LUC7L3: variants seen among roughly 807,000 people sequenced by gnomAD.
The protein encoded by LUC7L3 is LUC7 like 3 pre-mRNA splicing factor.
In LUC7L3, 6 loss-of-function variants were observed where a neutral mutation model predicts 66.8. The ratio of observed to expected loss-of-function variants is 0.09; its 90% CI spans 0.05 to 0.18. The LOEUF is 0.18. Ranked by LOEUF, LUC7L3 falls within the 10% of genes least tolerant of loss-of-function variation. The pLI is 1.00. For synonymous variants in LUC7L3, 160 were observed against 174.7 expected (o/e 0.92, Z 0.66); for missense variants, 341 against 531.1 (o/e 0.64, Z 3.52).
chr17:50,729,896 TTATATATATATATATATATATATATATA>T lies in LUC7L3; in HGVS notation c.100-7042_100-7015del, dbSNP rs1156777167. 3.4e-3 allele frequency among the ~76,000 whole-genome samples: 223 copies of T among 65,570 alleles called. 2 individuals carry two copies. Among genetic ancestry groups the T allele is most frequent in the African/African-American group, 8.3e-3 (131 of 15,776 alleles). 43.0% of individuals were successfully genotyped at this position (65,570 alleles called of 152,430 possible). On this transcript the variant is annotated intron_variant, in intron 1 of 9. Transcript: ENST00000505658. ...GAAGTATATATTGAATATAAATACA[TTATATATATATATATATATATATATATA>T]TATATATATATATATATATATGTAT...
chr17:50,745,773 G>C lies in LUC7L3; in HGVS notation c.747G>C (p.Lys249Asn), dbSNP rs138812245. 6.3e-7 allele frequency: 1 copy of C among 1,597,450 alleles called. No individual in the cohort carries two copies. Among genetic ancestry groups the C allele is most frequent in the Non-Finnish European group, 8.5e-7 (1 of 1,175,084 alleles). ...CTGATCGTGATGAGCGTCTAAAAAAGGAGAAGCAAGAAAGAGAAGAAAGAG... is the reference window on the plus strand; with the variant it reads ...CTGATCGTGATGAGCGTCTAAAAAACGAGAAGCAAGAAAGAGAAGAAAGAG... ...EEPDRDERLK[K>N]EKQEREEREK... The change falls in exon 8 of 10, where the codon AAG becomes AAC. Residue 249 changes from lysine to asparagine, a missense_variant. By Grantham distance (94) the Lys-to-Asn change is moderately conservative (BLOSUM62 0). Coordinates refer to ENST00000505658, the MANE Select transcript of LUC7L3 (RefSeq NM_016424.5).
chr17:50,735,559 TAA>T (rs1247003624), intron 1 of LUC7L3, among the ~76,000 whole-genome samples: 4 of 152,168 alleles, frequency 2.6e-5, no homozygotes, highest in Non-Finnish European at 4.4e-5. Flanking sequence ...TGGAGTGCAG[TAA>T]ATAGCACAAT....
At chr17:50,725,091 T>C (rs1309875967) in intron 1 of LUC7L3, among the ~76,000 whole-genome samples, 2 of 152,094 alleles carry the variant, frequency 1.3e-5, no homozygotes, top group Non-Finnish European at 2.9e-5. Flanking sequence ...GTTAGGAAAA[T>C]TGTTGTATTC....
At chr17:50,721,569 A>G (rs888434433) in intron 1 of LUC7L3, among the ~76,000 whole-genome samples, 4 of 152,256 alleles carry the variant, frequency 2.6e-5, no homozygotes, top group Non-Finnish European at 4.4e-5. Context: ...AAGGATTTCA[A>G]GTCAGTTACT....
chr17:50,736,583 C>A, intron 1 of LUC7L3: 1 of 181,494 alleles, frequency 5.5e-6, no homozygotes, highest in Non-Finnish European at 1.1e-5. Flanking sequence ...TTTCCAAATC[C>A]TAATTTGTAA....
At chr17:50,721,207 T>C (rs1019858551) in intron 1 of LUC7L3, among the ~76,000 whole-genome samples, 6 of 152,194 alleles carry the variant, frequency 3.9e-5, no homozygotes, top group Admixed American at 2.6e-4. Flanking sequence ...ATTATGGCGA[T>C]TTGGCTTATG....
chr17:50,732,338 T>C (rs1969660814), intron 1 of LUC7L3, among the ~76,000 whole-genome samples: 2 of 152,168 alleles, frequency 1.3e-5, no homozygotes, highest in African/African-American at 4.8e-5. Flanking sequence ...TCTTCCAATT[T>C]AGCAAATGTA....
rs1403411284 is a variant in LUC7L3 at position 50,751,387 on chromosome 17, T to G, written c.*726T>G. The G allele has an allele frequency of 1.0e-5, 13 of 1,291,750 alleles. No homozygotes were observed. The highest frequency in any genetic ancestry group is 1.3e-5 in the Non-Finnish European group (13 of 990,396). 80.0% of individuals were successfully genotyped at this position (1,291,750 alleles called of 1,614,324 possible). A position where few individuals can be genotyped will look rare whatever the true frequency, so the allele number is the denominator to read the frequency against. ...GGTACTCATGCCAGGTACTCCTTTC[T>G]CTACCCACATCCATGTTTGAATGCT... On this transcript the variant is annotated 3_prime_UTR_variant, in exon 10 of 10. Transcript: ENST00000505658.
Position 50,744,806 on chromosome 17 carries a change from A to G in LUC7L3, c.686A>G (p.Glu229Gly), listed in dbSNP as rs1970562765. 3 of 1,608,190 alleles carry G rather than the reference A, an allele frequency of 1.9e-6. No individual in the cohort carries two copies. Among genetic ancestry groups the G allele is most frequent in the Admixed American group, 3.4e-5 (2 of 58,242 alleles). The change falls in exon 7 of 10, where the codon GAA (glutamate) becomes GGA (glycine). Residue 229 changes from glutamate (E) to glycine (G), a missense_variant. Glu to Gly is a moderately conservative substitution (Grantham distance 98, BLOSUM62 -2). Around this residue, in one of 6 missense-constraint regions of LUC7L3, gnomAD observed 17 missense variants for 48.2 expected, o/e 0.35. Coordinates refer to ENST00000505658, the MANE Select transcript of LUC7L3 (RefSeq NM_016424.5). Reference protein sequence around the residue: ...GYAKIKATVEELKEKLRKRTE... With the variant: ...GYAKIKATVEGLKEKLRKRTE... ...GCCAAAATTAAAGCTACTGTAGAAG[A>G]ATTAAAAGTAAGTTTTTTTGTTTGT...
At chr17:50,727,396 C>T (rs1299693171) in intron 1 of LUC7L3, among the ~76,000 whole-genome samples, 1 of 152,206 alleles carries the variant, frequency 6.6e-6, no homozygotes, top group African/African-American at 2.4e-5. Flanking sequence ...GCAAAGATCA[C>T]ATGGCTAGAG....
chr17:50,747,668 G>A (rs1302412634), intron 9 of LUC7L3, among the ~76,000 whole-genome samples: 1 of 151,976 alleles, frequency 6.6e-6, no homozygotes, highest in Non-Finnish European at 1.5e-5. Flanking sequence ...CTGGTTTTTT[G>A]TTTTCGTTTT....
chr17:50,726,858 G>T (rs1567857727), intron 1 of LUC7L3, among the ~76,000 whole-genome samples: 1 of 152,062 alleles, frequency 6.6e-6, no homozygotes, highest in Non-Finnish European at 1.5e-5. Context: ...GGGAGGCCGA[G>T]GTGGGCGGTC....
At chr17:50,733,325 G>A (rs1969751199) in intron 1 of LUC7L3, among the ~76,000 whole-genome samples, 1 of 150,278 alleles carries the variant, frequency 6.7e-6, no homozygotes, top group South Asian at 2.1e-4. Flanking sequence ...TCCGCCTCCT[G>A]GGTTCACATC....
At chr17:50,750,000 C>G (rs917650980) in intron 9 of LUC7L3, among the ~76,000 whole-genome samples, 1 of 152,102 alleles carries the variant, frequency 6.6e-6, no homozygotes, top group African/African-American at 2.4e-5. Flanking sequence ...TAGGCTTATC[C>G]TTCTTGGATA....
chr17:50,720,155 A>AAAT (rs1415965230), intron 1 of LUC7L3, among the ~76,000 whole-genome samples: 2 of 152,354 alleles, frequency 1.3e-5, no homozygotes, highest in African/African-American at 2.4e-5. Context: ...CCTCATTATG[A>AAAT]AATAGGGAGA....
At position 50,750,939 on chromosome 17, in the gene LUC7L3, A is replaced by G. The variant is rs1198364342; in HGVS notation, c.*278A>G. 7.2e-6 allele frequency: 11 copies of G among 1,518,898 alleles called. No individual in the cohort carries two copies. The highest frequency in any genetic ancestry group is 2.8e-5 in the African/African-American group (2 of 72,066). 94.1% of individuals were successfully genotyped at this position (1,518,898 alleles called of 1,614,324 possible). On this transcript the variant is annotated 3_prime_UTR_variant, in exon 10 of 10. Transcript: ENST00000505658. ...GGAAATTATCGCCCACATTTGTAAT[A>G]TAGTCGCCATTGAAAAGTTAATTAT... is the stretch of plus-strand genomic sequence containing the variant.
Position 50,752,131 on chromosome 17 carries a change from A to G in LUC7L3, c.*1470A>G. 1 of 1,272,604 alleles carries G rather than the reference A, an allele frequency of 7.9e-7. No individual in the cohort carries two copies. The highest frequency in any genetic ancestry group is 1.0e-6 in the Non-Finnish European group (1 of 981,954). The allele number at this position is 1,272,604 out of a possible 1,614,324, so 78.8% of individuals were successfully genotyped here. A position where few individuals can be genotyped will look rare whatever the true frequency, so the allele number is the denominator to read the frequency against. ...ATTAGCAGTTAGTGACTGGGCCAAC[A>G]CTTTCTCATAAAAATTGGCCTTTTA... On this transcript the variant is annotated 3_prime_UTR_variant, in exon 10 of 10. Coordinates refer to ENST00000505658, the MANE Select transcript of LUC7L3 (RefSeq NM_016424.5).
chr17:50,736,717 C>G (rs922413725), intron 1 of LUC7L3: 17 of 395,598 alleles, frequency 4.3e-5, no homozygotes, highest in African/African-American at 3.2e-4. Context: ...GGGGGGTCAG[C>G]AGGTGATGAT....
In LUC7L3 at chr17:50,741,260, A is replaced by G. The variant is rs760377665; in HGVS notation, c.351+14A>G. The G allele has an allele frequency of 2.5e-6, 4 of 1,612,530 alleles. No homozygotes were observed. Among genetic ancestry groups the G allele is most frequent in the South Asian group, 1.1e-5 (1 of 90,800 alleles). ...CAGTCTTCTGGGGTAAGTGAAGTCA[A>G]TTCAGTCTTTGTAAACGGTCCTTGT... On this transcript the variant is annotated intron_variant, in intron 4 of 9. Transcript: ENST00000505658.
Sources: allele counts gnomAD v4.1 joint callset (sites outside exome capture counted in the v4.1 genomes callset), GRCh38; gene constraint gnomAD v4.1.1; regional missense constraint gnomAD v4.1.1; transcripts MANE v1.5; gene names NCBI Gene and HGNC (gene_info 2026-07-23, HGNC 2026-07-21).